ZNF519: variants seen among roughly 807,000 people sequenced by gnomAD.
ZNF519 encodes the protein zinc finger protein 519, also known as similar to Zinc finger protein 85 (Zinc finger protein HPF4) (HTF1).
ZNF519 carries 7 observed loss-of-function variants against 7.4 expected under a neutral mutation model. That is an observed-to-expected ratio of 0.94 (90% confidence interval 0.54 to 1.77). The LOEUF (loss-of-function observed/expected upper bound fraction) is 1.77, where lower values mean the gene tolerates loss of function less well. Ranked by LOEUF, ZNF519 falls within the 40% of genes most tolerant of loss-of-function variation. ZNF519 has a pLI of 0.00. For missense variants in ZNF519, 586 were observed against 623.1 expected, an observed-to-expected ratio of 0.94 and a Z score of 0.63; for synonymous variants, 179 against 203.3, an observed-to-expected ratio of 0.88 and a Z score of 1.02.
chr18:14,132,292 G>T lies in ZNF519; in HGVS notation c.-15C>A, dbSNP rs1350306853. On this transcript the variant is annotated 5_prime_UTR_variant, in exon 1 of 3. Coordinates refer to ENST00000590202, the MANE Select transcript of ZNF519 (RefSeq NM_145287.4). ...ACACTCACCATTTCTCGGCTTCAGG[G>T]GTGTCCTGGAGTCTTAGCTATAAAT... is the stretch of plus-strand genomic sequence containing the variant. 2 of 1,613,718 alleles carry T rather than the reference G, an allele frequency of 1.2e-6. No individual in the cohort carries two copies. The highest frequency in any genetic ancestry group is 1.7e-5 in the Admixed American group (1 of 59,990).
At chr18:14,072,157 T>C (rs1384935913), downstream of ZNF519, 1 of 152,204 alleles carries the variant, frequency 6.6e-6, no homozygotes, top group African/African-American at 2.4e-5. Flanking sequence ...TTTAAAGGTA[T>C]TTCTGGAGTA....
At position 14,100,391 on chromosome 18, in the gene ZNF519, A is replaced by G. The variant is rs2046155089; in HGVS notation, c.*4526T>C. ...AATGTACATAGCACTTTTATTCATA[A>G]TAGCCACACACTGACTGAAAACAAC... is the stretch of plus-strand genomic sequence containing the variant. On this transcript the variant is annotated 3_prime_UTR_variant, in exon 3 of 3. Coordinates refer to ENST00000590202, the MANE Select transcript of ZNF519 (RefSeq NM_145287.4). 1 of 152,218 alleles carries G rather than the reference A, an allele frequency of 6.6e-6. No homozygotes were observed. Among genetic ancestry groups the G allele is most frequent in the South Asian group, 2.1e-4 (1 of 4,832 alleles). The allele number at this position is 152,218 out of a possible 1,614,324, so 9.4% of individuals were successfully genotyped here. A position where few individuals can be genotyped will look rare whatever the true frequency, so the allele number is the denominator to read the frequency against.
Position 14,124,462 on chromosome 18 carries a change from GA to G in ZNF519, c.17del (p.Phe6SerfsTer6). On this transcript the variant is annotated frameshift_variant, in exon 2 of 3. Coordinates refer to ENST00000590202, the MANE Select transcript of ZNF519 (RefSeq NM_145287.4). LOFTEE classifies it high-confidence loss of function. ...GAGAGAATTCTATGGCCACATCCCT[GA>G]ATGTTAAGAGTTCCTGGAAACACAT... MELLT[F>X]RDVAIEFSPE... is the part of the protein sequence containing the mutation. 6.2e-7 allele frequency: 1 copy of G among 1,610,406 alleles called. No individual in the cohort carries two copies. Among genetic ancestry groups the G allele is most frequent in the Non-Finnish European group, 8.5e-7 (1 of 1,179,182 alleles).
At chr18:14,080,469 A>G (rs9960605) in intron 3 of ZNF519, among the ~76,000 whole-genome samples, 10,397 of 151,832 alleles carry the variant, frequency 0.068, 1,175 homozygotes, top group African/African-American at 0.24. Flanking sequence ...CTACAGGCAC[A>G]CGCCACCATG....
intron 1 of ZNF519, among the ~76,000 whole-genome samples, chr18:14,125,982 G>A (rs2908493): frequency 2.6e-5 from 4 of 152,026 alleles, no homozygotes; most frequent in African/African-American, 7.3e-5. Context: ...CACCGCACCC[G>A]GCCTAATTTT....
chr18:14,124,590 T>C (rs773183219), intron 1 of ZNF519, 114 bp from the exon 2 acceptor site: 25 of 1,297,450 alleles, frequency 1.9e-5, no homozygotes, highest in African/African-American at 3.0e-5. Context: ...AAAATAACTT[T>C]TAACACAGTA....
chr18:14,093,409 C>G (rs533020787), intron 2 of ZNF519, among the ~76,000 whole-genome samples: 3 of 152,270 alleles, frequency 2.0e-5, no homozygotes, highest in Admixed American at 1.3e-4. Flanking sequence ...TAAAATCTGC[C>G]CTTACTACTT....
chr18:14,071,507 A>G (rs2046028283), downstream of ZNF519: 1 of 152,234 alleles, frequency 6.6e-6, no homozygotes, highest in Non-Finnish European at 1.5e-5. Context: ...GAATAATCAT[A>G]CATCACAGAT....
At chr18:14,092,948 C>A (rs2143101240) in intron 2 of ZNF519, among the ~76,000 whole-genome samples, 1 of 152,286 alleles carries the variant, frequency 6.6e-6, no homozygotes, top group Middle Eastern at 3.4e-3. Context: ...TGAGAAAACT[C>A]AAGACTGCCA....
intron 2 of ZNF519, among the ~76,000 whole-genome samples, chr18:14,089,174 A>T (rs968887777): frequency 1.3e-5 from 2 of 152,216 alleles, no homozygotes; most frequent in Admixed American, 1.3e-4. Context: ...TATGTAGCTT[A>T]AGAACTATAT....
Position 14,105,761 on chromosome 18 carries a change from G to A in ZNF519, c.779C>T (p.Thr260Ile). ...SHLKGHKIIN[T>I]GEKSVKYKER... The stretch of plus-strand genomic sequence containing the variant: ...TTTATATTTCACTGATTTTTCTCCA[G>A]TGTTAATTATCTTATGTCCCTTTAG... The change falls in exon 3 of 3, where the codon ACT becomes ATT. Residue 260 changes from threonine to isoleucine, a missense_variant. Transcript: ENST00000590202. The A allele has an allele frequency of 1.2e-6, 2 of 1,613,790 alleles. No individual in the cohort carries two copies. Among genetic ancestry groups the A allele is most frequent in the East Asian group, 4.5e-5 (2 of 44,878 alleles).
intron 4 of ZNF519, chr18:14,078,074 T>C (rs2046055305): frequency 6.6e-6 from 1 of 152,172 alleles, no homozygotes; most frequent in South Asian, 2.1e-4. Flanking sequence ...ATAAGGAGTG[T>C]GCAACCTAGA....
chr18:14,129,070 G>A (rs142250949), intron 1 of ZNF519, among the ~76,000 whole-genome samples: 1 of 152,086 alleles, frequency 6.6e-6, no homozygotes, highest in Non-Finnish European at 1.5e-5. Context: ...GGGGATGCAG[G>A]GCAGAATTGG....
At chr18:14,091,558 T>A (rs1469226386) in intron 2 of ZNF519, among the ~76,000 whole-genome samples, 1 of 152,138 alleles carries the variant, frequency 6.6e-6, no homozygotes, top group African/African-American at 2.4e-5. Context: ...AGAGACAGCA[T>A]CATCAGAAGT....
At chr18:14,098,525 G>C (rs79107945), downstream of ZNF519, among the ~76,000 whole-genome samples, 3,363 of 152,186 alleles carry the variant, frequency 0.022, 125 homozygotes, top group African/African-American at 0.074. Context: ...TCCTGTCAGG[G>C]TGTCTCCAGC....
downstream of ZNF519, among the ~76,000 whole-genome samples, chr18:14,097,648 C>G (rs2046142395): frequency 6.6e-6 from 1 of 152,166 alleles, no homozygotes; most frequent in South Asian, 2.1e-4. Context: ...CTTGGATGTA[C>G]AGATTCCAGT....
At chr18:14,097,692 T>A (rs1490853598), downstream of ZNF519, among the ~76,000 whole-genome samples, 2 of 152,194 alleles carry the variant, frequency 1.3e-5, no homozygotes, top group Non-Finnish European at 2.9e-5. Context: ...CATGAAGGAC[T>A]GGCAAGTAAG....
At chr18:14,074,630 C>T (rs889066654), downstream of ZNF519, 6 of 152,572 alleles carry the variant, frequency 3.9e-5, no homozygotes, top group Admixed American at 6.5e-5. Flanking sequence ...TAAAACATAA[C>T]GAGAGTCACC....
At chr18:14,088,598 T>TCCA (rs1273079536) in intron 2 of ZNF519, among the ~76,000 whole-genome samples, 2 of 152,190 alleles carry the variant, frequency 1.3e-5, no homozygotes, top group Non-Finnish European at 2.9e-5. Flanking sequence ...TTCTGGCATA[T>TCCA]CCATCCCTTA....
Sources: allele counts gnomAD v4.1 joint callset (sites outside exome capture counted in the v4.1 genomes callset), GRCh38; gene constraint gnomAD v4.1.1; transcripts MANE v1.5; gene names NCBI Gene and HGNC (gene_info 2026-07-23, HGNC 2026-07-21).